The following TRIM24 variants were observed in gnomAD, a reference collection of about 807,000 sequenced individuals.
The protein encoded by TRIM24 is tripartite motif containing 24, also known as transcription intermediary factor 1-alpha.
TRIM24 carries 29 observed loss-of-function variants against 123.9 expected under a neutral mutation model. The observed-to-expected ratio is 0.23, with a 90% CI of 0.17 to 0.32. The LOEUF (loss-of-function observed/expected upper bound fraction) is 0.32. Among genes scored for constraint, TRIM24 ranks in the 10% least tolerant of loss-of-function variants. The pLI, the probability that TRIM24 is intolerant of heterozygous loss-of-function variation, is 1.00. For synonymous variants in TRIM24, 456 were observed against 461.1 expected, an observed-to-expected ratio of 0.99 and a Z score of 0.14; for missense variants, 932 against 1,295.3, an observed-to-expected ratio of 0.72 and a Z score of 4.31.
intron 1 of TRIM24, among the ~76,000 whole-genome samples, chr7:138,462,338 CTTTTT>C (rs34920255): frequency 2.4e-5 from 3 of 124,404 alleles, no homozygotes; most frequent in South Asian, 2.7e-4. Context: ...GTGCAAAAAT[CTTTTT>C]TTTTTTTTTT....
intron 12 of TRIM24, among the ~76,000 whole-genome samples, chr7:138,575,797 T>G (rs2116680581): frequency 6.6e-6 from 1 of 152,318 alleles, no homozygotes; most frequent in East Asian, 1.9e-4. Flanking sequence ...TTAATCTTTT[T>G]AGGGCAGTAG....
chr7:138,585,190 G>T lies in TRIM24; in HGVS notation c.*239G>T. On this transcript the variant is annotated 3_prime_UTR_variant, in exon 19 of 19. Coordinates refer to ENST00000343526, the MANE Select transcript of TRIM24 (RefSeq NM_015905.3). ...AAAATGGAAAGAAGGAAAAAAGGAG[G>T]ATAGAAAAAGGATGGAAGAAAGAAG... 2.9e-6 allele frequency: 1 copy of T among 339,594 alleles called. No individual in the cohort carries two copies. The highest frequency in any genetic ancestry group is 8.4e-5 in the South Asian group (1 of 11,914). The allele number at this position is 339,594 out of a possible 1,614,324, so 21.0% of individuals were successfully genotyped here. A position where few individuals can be genotyped will look rare whatever the true frequency, so the allele number is the denominator to read the frequency against.
intron 7 of TRIM24, among the ~76,000 whole-genome samples, chr7:138,550,732 A>G (rs1383576732): frequency 1.3e-5 from 2 of 152,178 alleles, no homozygotes; most frequent in Non-Finnish European, 2.9e-5. Context: ...ATCCTTTTCT[A>G]AGAGAGTAAG....
intron 1 of TRIM24, among the ~76,000 whole-genome samples, chr7:138,497,674 T>C (rs1379558946): frequency 6.6e-6 from 1 of 151,824 alleles, no homozygotes; most frequent in African/African-American, 2.4e-5. Context: ...GAATTACAAG[T>C]GTGAATCACC....
chr7:138,504,445 C>CTT (rs1563036690), intron 2 of TRIM24, 37 bp downstream of exon 2: 3 of 311,388 alleles, frequency 9.6e-6, no homozygotes, highest in South Asian at 7.7e-5. Context: ...TGCCTGCCAG[C>CTT]TCTTTTTTTT....
chr7:138,477,215 G>A (rs1795423481), intron 1 of TRIM24, among the ~76,000 whole-genome samples: 1 of 152,168 alleles, frequency 6.6e-6, no homozygotes, highest in African/African-American at 2.4e-5. Context: ...CACACTTTGG[G>A]AGGCTGAGGC....
At chr7:138,469,499 C>T (rs960824240) in intron 1 of TRIM24, among the ~76,000 whole-genome samples, 2 of 152,102 alleles carry the variant, frequency 1.3e-5, no homozygotes, top group African/African-American at 4.8e-5. Context: ...TTAGTACAGA[C>T]GGGATTTTAC....
At chr7:138,580,811 A>T in intron 16 of TRIM24, 117 bp downstream of exon 16, 3 of 987,072 alleles carry the variant, frequency 3.0e-6, no homozygotes, top group Non-Finnish European at 4.1e-6. Flanking sequence ...ATTTAAGAGT[A>T]TTTTTTTTTG....
intron 1 of TRIM24, among the ~76,000 whole-genome samples, chr7:138,500,382 A>C (rs1796010401): frequency 6.6e-6 from 1 of 151,950 alleles, no homozygotes; most frequent in Non-Finnish European, 1.5e-5. Context: ...CAACATAGTG[A>C]AACCCTGTCT....
At chr7:138,508,692 T>TGTGTGCGTGCGCGC (rs1422176564) in intron 2 of TRIM24, among the ~76,000 whole-genome samples, 3 of 137,214 alleles carry the variant, frequency 2.2e-5, no homozygotes, top group African/African-American at 5.5e-5. Context: ...TGTGTGTGTG[T>TGTGTGCGTGCGCGC]GCGCGCGCGT....
chr7:138,570,826 G>A lies in TRIM24; in HGVS notation c.1705-4G>A, dbSNP rs942089526. 4 of 1,613,548 alleles carry A rather than the reference G, an allele frequency of 2.5e-6. No homozygotes were observed. In the African/African-American group the frequency reaches 4.0e-5, roughly 16 times the overall value. ...CCTTTGTTCTTCTCTTCTTGTTACT[G>A]TAGTGGCAGATCAGCAGTGGACAGG... is the stretch of plus-strand genomic sequence containing the variant. On this transcript the variant is annotated splice_region_variant and splice_polypyrimidine_tract_variant and intron_variant, in intron 10 of 18. Coordinates refer to ENST00000343526, the MANE Select transcript of TRIM24 (RefSeq NM_015905.3).
rs183856375 is a variant in TRIM24 at position 138,481,163 on chromosome 7, T to C, written c.364+20251T>C. Reference sequence around the variant, plus strand: ...ATGCGCCACTACGCCCGGCTAATTTTGTATTTTTAGTAGAGATGGGGTTTC... The same window carrying C: ...ATGCGCCACTACGCCCGGCTAATTTCGTATTTTTAGTAGAGATGGGGTTTC... On this transcript the variant is annotated intron_variant, in intron 1 of 18. Transcript: ENST00000343526. Among the ~76,000 whole-genome samples the C allele has an allele frequency of 1.7e-3, 257 of 152,116 alleles. 1 individual carries two copies. In the Middle Eastern group the frequency reaches 0.027, roughly 16 times the overall value.
intron 9 of TRIM24, 95 bp downstream of exon 9, chr7:138,555,061 T>C: frequency 7.9e-7 from 1 of 1,270,954 alleles, no homozygotes. Context: ...TTCCATACTC[T>C]AAATATCTGC....
chr7:138,472,675 T>G (rs1207461395), intron 1 of TRIM24, among the ~76,000 whole-genome samples: 2 of 152,168 alleles, frequency 1.3e-5, no homozygotes, highest in Non-Finnish European at 2.9e-5. Context: ...TATAGTGCTA[T>G]CTAGTGCCTT....
At chr7:138,544,019 A>G (rs534344522) in intron 7 of TRIM24, among the ~76,000 whole-genome samples, 1 of 152,020 alleles carries the variant, frequency 6.6e-6, no homozygotes, top group South Asian at 2.1e-4. Context: ...TTGTAGAGAC[A>G]AGGTCTTGTT....
intron 7 of TRIM24, among the ~76,000 whole-genome samples, chr7:138,548,464 T>C (rs931010774): frequency 6.6e-6 from 1 of 151,282 alleles, no homozygotes; most frequent in African/African-American, 2.4e-5. Flanking sequence ...GCATTTACCA[T>C]GAATGGAGCT....
At chr7:138,508,716 T>C (rs949019676) in intron 2 of TRIM24, among the ~76,000 whole-genome samples, 26 of 142,806 alleles carry the variant, frequency 1.8e-4, no homozygotes, top group African/African-American at 6.0e-4. Flanking sequence ...TGCGTGTGTG[T>C]GTGCGTGTGT....
intron 1 of TRIM24, among the ~76,000 whole-genome samples, chr7:138,467,299 C>T (rs1355021486): frequency 6.6e-6 from 1 of 152,002 alleles, no homozygotes; most frequent in Non-Finnish European, 1.5e-5. Context: ...TACATTGAAT[C>T]TAGATATCAA....
intron 3 of TRIM24, among the ~76,000 whole-genome samples, chr7:138,517,548 A>AT (rs1466880120): frequency 6.6e-6 from 1 of 151,872 alleles, no homozygotes; most frequent in Non-Finnish European, 1.5e-5. Context: ...TAATTTTTCT[A>AT]TTTTTAGTAG....
Sources: gnomAD v4.1 joint callset for allele counts (sites outside exome capture counted in the v4.1 genomes callset) on GRCh38, gnomAD v4.1.1 for gene constraint, MANE v1.5 for transcripts, NCBI Gene and HGNC (gene_info 2026-07-23, HGNC 2026-07-21) for gene names.